SPTBN4: variants seen among roughly 807,000 people sequenced by gnomAD.
SPTBN4 encodes spectrin beta chain, non-erythrocytic 4.
A neutral mutation model predicts 277.8 loss-of-function variants in SPTBN4; 96 were observed. The ratio of observed to expected loss-of-function variants is 0.35; its 90% CI spans 0.29 to 0.41. The LOEUF is 0.41. Among genes scored for constraint, SPTBN4 ranks in the 10% least tolerant of loss-of-function variants. The pLI is 1.00. For synonymous variants in SPTBN4, 1,481 were observed against 1,580.3 expected, an observed-to-expected ratio of 0.94 and a Z score of 1.49; for missense variants, 3,006 against 3,595.7, an observed-to-expected ratio of 0.84 and a Z score of 4.19.
chr19:40,502,325 A>G lies in SPTBN4; in HGVS notation c.1085+10A>G. On this transcript the variant is annotated intron_variant, in intron 9 of 35. Transcript: ENST00000598249. This position sits in a 1 kb window ranked among gnomAD's most constrained non-coding sequence, Gnocchi z 4.9. The stretch of plus-strand genomic sequence containing the variant: ...TGGAGAAGCCTGTCAAGTGAGGCCC[A>G]GCTCTGGAGGGAGGGTGGGCAGGGG... 1 of 1,602,582 alleles carries G rather than the reference A, an allele frequency of 6.2e-7. No individual in the cohort carries two copies.
intron 2 of SPTBN4, among the ~76,000 whole-genome samples, chr19:40,478,414 A>G (rs2079972442): frequency 6.6e-6 from 1 of 152,072 alleles, no homozygotes; most frequent in East Asian, 1.9e-4. Context: ...GCATGTGCCT[A>G]TATTACTCTG....
intron 12 of SPTBN4, among the ~76,000 whole-genome samples, chr19:40,505,042 A>AAGAG (rs148908164): frequency 2.7e-5 from 4 of 149,448 alleles, no homozygotes; most frequent in Non-Finnish European, 4.5e-5. Context: ...GAATCAATTT[A>AAGAG]AGAGAGAGAG....
intron 35 of SPTBN4, among the ~76,000 whole-genome samples, chr19:40,572,802 A>G (rs532678707): frequency 1.3e-3 from 199 of 152,224 alleles, no homozygotes; most frequent in African/African-American, 4.5e-3. Flanking sequence ...CTACTAAAAA[A>G]TACAAAAATT....
chr19:40,571,712 G>C (rs2081157107), intron 33 of SPTBN4: 3 of 265,478 alleles, frequency 1.1e-5, no homozygotes, highest in Non-Finnish European at 2.1e-5. Context: ...TGAGTGGGGA[G>C]GATTGAGTGG....
chr19:40,470,886 C>T (rs952049773), intron 1 of SPTBN4, among the ~76,000 whole-genome samples: 20 of 151,976 alleles, frequency 1.3e-4, no homozygotes, highest in African/African-American at 4.6e-4. Context: ...CTGCCTCGGC[C>T]TCCCAAAGTG....
At chr19:40,503,488 G>C in intron 11 of SPTBN4, among the ~76,000 whole-genome samples, 1 of 151,320 alleles carries the variant, frequency 6.6e-6, no homozygotes, top group East Asian at 2.0e-4. Flanking sequence ...CAGGGTAACT[G>C]GGGAAGATTG....
intron 2 of SPTBN4, among the ~76,000 whole-genome samples, chr19:40,484,548 T>G (rs1157984776): frequency 1.3e-5 from 2 of 152,156 alleles, no homozygotes; most frequent in Non-Finnish European, 2.9e-5. Context: ...TCTTGTATTC[T>G]GTAGACATTG....
chr19:40,484,868 C>G (rs2145819138), intron 2 of SPTBN4, among the ~76,000 whole-genome samples: 1 of 151,844 alleles, frequency 6.6e-6, no homozygotes, highest in East Asian at 1.9e-4. Context: ...GGAGGCAAAG[C>G]TTGCAGTGAG....
intron 4 of SPTBN4, among the ~76,000 whole-genome samples, chr19:40,491,677 G>GCACTCCA (rs2145830576): frequency 7.6e-6 from 1 of 131,476 alleles, no homozygotes; most frequent in African/African-American, 3.0e-5. Context: ...CCACACCACT[G>GCACTCCA]CACTCCAGCC....
At chr19:40,488,736 G>A (rs2080101854) in intron 3 of SPTBN4, among the ~76,000 whole-genome samples, 1 of 152,186 alleles carries the variant, frequency 6.6e-6, no homozygotes, top group African/African-American at 2.4e-5. Context: ...CTTGAGCCTG[G>A]GAGGTCGAGG....
At position 40,557,000 on chromosome 19, in the gene SPTBN4, C is replaced by CG. The variant is rs775488369; in HGVS notation, c.5290-23_5290-22insG. On this transcript the variant is annotated intron_variant, in intron 25 of 35. Transcript: ENST00000598249. The stretch of plus-strand genomic sequence containing the variant: ...CCCCTTTGCTCACTTTGCTGTACCC[C>CG]CCCCCCCACTTCCTGATGGCAGGTG... 23 of 1,519,094 alleles carry CG rather than the reference C, an allele frequency of 1.5e-5. 1 individual carries two copies. The highest frequency in any genetic ancestry group is 2.0e-5 in the Non-Finnish European group (22 of 1,124,276). 94.1% of individuals were successfully genotyped at this position (1,519,094 alleles called of 1,614,324 possible).
At chr19:40,529,229 G>A in intron 18 of SPTBN4, 98 bp downstream of exon 18, 1 of 1,194,434 alleles carries the variant, frequency 8.4e-7, no homozygotes, top group Non-Finnish European at 1.2e-6. Context: ...CCGTCTAAGT[G>A]GGTCGCGGAG....
At position 40,556,264 on chromosome 19, in the gene SPTBN4, C is replaced by T. The variant is rs137938053; in HGVS notation, c.5265C>T (p.Leu1755=). 269 of 1,612,400 alleles carry T rather than the reference C, an allele frequency of 1.7e-4. No homozygotes were observed. Among genetic ancestry groups the T allele is most frequent in the Admixed American group, 1.3e-3 (75 of 59,912 alleles). Residue 1755 remains leucine (L), a synonymous_variant, in exon 25 of 36, where the codon CTC becomes CTT. Transcript: ENST00000598249. ...AGGTGGTGGCTGGCTCACCCGAGCT[C>T]GGCCAGGACTTTGAGCATGTCTCGG... The part of the protein sequence containing the change: ...EKEVVAGSPE[L]GQDFEHVSVL...
Position 40,529,059 on chromosome 19 carries a change from A to G in SPTBN4, c.3876A>G (p.Leu1292=). 1.9e-6 allele frequency: 3 copies of G among 1,613,922 alleles called. No homozygotes were observed. Among genetic ancestry groups the G allele is most frequent in the Non-Finnish European group, 2.5e-6 (3 of 1,179,916 alleles). ...TCCCCAGGAACCAAGAAAACCAGTT[A>G]CGGGCCCAGCAATGGATGCAAAAGC... is the stretch of plus-strand genomic sequence containing the variant. ...RLLEKNQENQ[L]RAQQWMQKLH... Residue 1292 remains leucine (L), a synonymous_variant, in exon 18 of 36, where the codon TTA becomes TTG. Coordinates refer to ENST00000598249, the MANE Select transcript of SPTBN4 (RefSeq NM_020971.3).
At chr19:40,488,602 G>A (rs1294491705) in intron 3 of SPTBN4, among the ~76,000 whole-genome samples, 1 of 152,090 alleles carries the variant, frequency 6.6e-6, no homozygotes, top group African/African-American at 2.4e-5. Context: ...AACAGCCCGG[G>A]CAACATAATG....
Position 40,534,277 on chromosome 19 carries a change from C to T in SPTBN4, c.4293C>T (p.Ser1431=). Residue 1431 remains serine, a synonymous_variant, in exon 20 of 36, where the codon AGC becomes AGT. Coordinates refer to ENST00000598249, the MANE Select transcript of SPTBN4 (RefSeq NM_020971.3). ...ELDKKLLHME[S]QLQDVDPGGD... ...ACAAGAAGCTCCTTCACATGGAGAG[C>T]CAGCTGCAAGACGTGGACCCTGGAG... The T allele has an allele frequency of 6.2e-7, 1 of 1,614,078 alleles. No individual in the cohort carries two copies.
intron 20 of SPTBN4, among the ~76,000 whole-genome samples, chr19:40,539,032 G>T (rs1410284420): frequency 6.6e-6 from 1 of 152,130 alleles, no homozygotes; most frequent in African/African-American, 2.4e-5. Context: ...ACAGGGCAGG[G>T]TGAAGAAGCT....
chr19:40,509,962 C>T (rs2080372829), intron 13 of SPTBN4, among the ~76,000 whole-genome samples: 1 of 152,176 alleles, frequency 6.6e-6, no homozygotes, highest in Non-Finnish European at 1.5e-5. Context: ...CTAGGTTTGT[C>T]TCAGGAAGCT....
chr19:40,544,854 G>T (rs1187885474), intron 20 of SPTBN4, among the ~76,000 whole-genome samples: 2 of 151,316 alleles, frequency 1.3e-5, no homozygotes, highest in Admixed American at 6.6e-5. Context: ...AAGAGAGGGG[G>T]TCTAGCTGTG....
Sources: gnomAD v4.1 joint callset for allele counts (sites outside exome capture counted in the v4.1 genomes callset) on GRCh38, gnomAD v4.1.1 for gene constraint, Gnocchi (gnomAD v3.1) non-coding constraint, MANE v1.5 for transcripts, NCBI Gene and HGNC (gene_info 2026-07-23, HGNC 2026-07-21) for gene names.